Variants in EPB41L2 observed in about 807,000 individuals in gnomAD.
EPB41L2 encodes the protein erythrocyte membrane protein band 4.1 like 2.
In EPB41L2, 43 loss-of-function variants were observed where a neutral mutation model predicts 113.0. The observed-to-expected ratio is 0.38, with a 90% CI of 0.30 to 0.49. EPB41L2 has a LOEUF of 0.49. Among genes scored for constraint, EPB41L2 ranks in the 20% least tolerant of loss-of-function variants. EPB41L2 has a pLI of 0.95. For synonymous variants in EPB41L2, 442 were observed against 436.7 expected (o/e 1.01, Z -0.15); for missense variants, 1,147 against 1,223.4 (o/e 0.94, Z 0.93).
chr6:131,052,262 A>G (rs1441299660), intron 1 of EPB41L2, among the ~76,000 whole-genome samples: 1 of 152,132 alleles, frequency 6.6e-6, no homozygotes, highest in East Asian at 1.9e-4. Flanking sequence ...AATGGCCAAG[A>G]TCCAAAAACA....
At chr6:130,883,497 A>G (rs1013163977) in intron 12 of EPB41L2, among the ~76,000 whole-genome samples, 4 of 152,250 alleles carry the variant, frequency 2.6e-5, no homozygotes, top group African/African-American at 9.6e-5. Context: ...CATTCAAAGC[A>G]TTAGCAAAAA....
In EPB41L2 at chr6:130,885,034, C is replaced by T. The variant is rs1359613403; in HGVS notation, c.1833+62G>A. 31 of 1,556,226 alleles carry T rather than the reference C, an allele frequency of 2.0e-5. No homozygotes were observed. In the East Asian group the frequency reaches 3.2e-4, roughly 16 times the overall value. ...TACTTGATTTCTGAAACAGAAAATA[C>T]AACAGATACCCTCTAGGTTAAGTAA... On this transcript the variant is annotated intron_variant, in intron 12 of 19. Transcript: ENST00000337057.
At chr6:130,876,789 C>T (rs1255611227) in intron 14 of EPB41L2, 1 of 1,291,268 alleles carries the variant, frequency 7.7e-7, no homozygotes, top group Non-Finnish European at 1.0e-6. Context: ...TTGTTTTAAA[C>T]AATAGACATA....
chr6:130,994,512 TGA>T (rs1425790889), intron 1 of EPB41L2, among the ~76,000 whole-genome samples: 6 of 152,124 alleles, frequency 3.9e-5, no homozygotes, highest in Non-Finnish European at 8.8e-5. Flanking sequence ...CTGCATTCTA[TGA>T]GAAAAGACAG....
intron 3 of EPB41L2, among the ~76,000 whole-genome samples, chr6:130,954,550 C>T (rs1046425993): frequency 2.6e-5 from 4 of 151,988 alleles, no homozygotes; most frequent in Non-Finnish European, 5.9e-5. Context: ...GTATACGTTA[C>T]GTAAATAATT....
At chr6:130,899,697 G>T in intron 7 of EPB41L2, 119 bp from the exon 8 acceptor site, 1 of 854,800 alleles carries the variant, frequency 1.2e-6, no homozygotes, top group Non-Finnish European at 1.8e-6. Context: ...AGCCAAGTTT[G>T]CAGAAAAGTA....
chr6:130,845,930 T>G (rs1776917584), intron 19 of EPB41L2, among the ~76,000 whole-genome samples: 1 of 152,170 alleles, frequency 6.6e-6, no homozygotes, highest in Admixed American at 6.5e-5. Context: ...AGCAGCTGCT[T>G]TTTCATCAAC....
At chr6:130,867,170 T>C (rs558501803) in intron 16 of EPB41L2, among the ~76,000 whole-genome samples, 4 of 152,322 alleles carry the variant, frequency 2.6e-5, no homozygotes, top group Non-Finnish European at 5.9e-5. Context: ...TTCTTAGATA[T>C]GTCAACTCAG....
intron 12 of EPB41L2, among the ~76,000 whole-genome samples, chr6:130,884,128 A>G (rs921670421): frequency 6.6e-6 from 1 of 152,154 alleles, no homozygotes; most frequent in Non-Finnish European, 1.5e-5. Context: ...TGAGGTCAGG[A>G]GTTCAAGATG....
intron 1 of EPB41L2, among the ~76,000 whole-genome samples, chr6:130,971,271 T>C (rs529138597): frequency 1.3e-5 from 2 of 152,316 alleles, no homozygotes; most frequent in African/African-American, 4.8e-5. Flanking sequence ...ACAGCCAAAC[T>C]AGCACAAATT....
chr6:130,895,971 G>C (rs1050502318), intron 8 of EPB41L2, among the ~76,000 whole-genome samples: 4 of 152,182 alleles, frequency 2.6e-5, no homozygotes, highest in African/African-American at 4.8e-5. Flanking sequence ...TCTAAGAGGA[G>C]AGCTGGCTCT....
chr6:131,023,762 TAG>T (rs111932375), intron 1 of EPB41L2, among the ~76,000 whole-genome samples: 6 of 79,666 alleles, frequency 7.5e-5, no homozygotes, highest in African/African-American at 2.7e-4. Context: ...TATAGATATA[TAG>T]ATATATAGAT....
intron 1 of EPB41L2, chr6:131,000,532 A>T (rs543434269): frequency 1.3e-5 from 2 of 152,336 alleles, no homozygotes; most frequent in African/African-American, 4.8e-5. Flanking sequence ...ATTCACAGGT[A>T]TTCCTTCCGT....
At chr6:130,969,316 A>C (rs1204615458) in intron 1 of EPB41L2, among the ~76,000 whole-genome samples, 1 of 152,204 alleles carries the variant, frequency 6.6e-6, no homozygotes, top group Admixed American at 6.5e-5. Flanking sequence ...TAACAGTGTC[A>C]ACAATAAAAA....
At chr6:131,025,916 GTATACAAAAGTCATCACAAAGTGGAT>G (rs1230856564) in intron 1 of EPB41L2, among the ~76,000 whole-genome samples, 1 of 152,092 alleles carries the variant, frequency 6.6e-6, no homozygotes, top group Non-Finnish European at 1.5e-5. Context: ...TCCTTTAAGA[GTATACAAAAGTCATCACAAAGTGGAT>G]CAAAGCAAAG....
rs147941078 is a variant in EPB41L2, at chr6:131,038,621, C to G, written c.-15+24534G>C. On this transcript the variant is annotated intron_variant, in intron 1 of 19. Transcript: ENST00000337057. ...TACTTTTAACTAAAATACAGTATAA[C>G]CTTTTATTTACTCCAAAATGTAAGT... Among the ~76,000 whole-genome samples, 23 of 152,284 alleles carry G rather than the reference C, an allele frequency of 1.5e-4. No homozygotes were observed. The East Asian group carries it at 4.4e-3, about 29-fold the overall frequency.
In EPB41L2 at chr6:130,858,130, C is replaced by A; in HGVS notation, c.*5+1G>T. 6.2e-7 allele frequency: 1 copy of A among 1,611,270 alleles called. No homozygotes were observed. On this transcript the variant is annotated splice_donor_variant, in intron 19 of 19. Transcript: ENST00000337057. LOFTEE classifies it low-confidence loss of function (3UTR_SPLICE). ...GCCACAGACAATGAGGGCTCTCTTACCTTACTTAATCTTCCCCTTCCTCAG... is the reference window on the plus strand; with the variant it reads ...GCCACAGACAATGAGGGCTCTCTTAACTTACTTAATCTTCCCCTTCCTCAG...
chr6:130,880,864 T>C (rs1278471357), intron 12 of EPB41L2: 1 of 203,774 alleles, frequency 4.9e-6, no homozygotes, highest in African/African-American at 2.3e-5. Flanking sequence ...TAAAGTATAA[T>C]GATGTAAAAT....
At chr6:131,042,385 A>G (rs9372988) in intron 1 of EPB41L2, among the ~76,000 whole-genome samples, 121,637 of 152,110 alleles carry the variant, frequency 0.8, 49,021 homozygotes, top group African/African-American at 0.88. Context: ...TGAAATAATA[A>G]AGAAGATTCC....
Sources: gnomAD v4.1 joint callset for allele counts (sites outside exome capture counted in the v4.1 genomes callset) on GRCh38, gnomAD v4.1.1 for gene constraint, MANE v1.5 for transcripts, NCBI Gene and HGNC (gene_info 2026-07-23, HGNC 2026-07-21) for gene names.